WWC1: variants seen among roughly 807,000 people sequenced by gnomAD.
WWC1 encodes the protein WW and C2 domain containing 1, also known as protein KIBRA.
Under a neutral mutation model 138.4 loss-of-function variants are expected in WWC1, and 55 were observed. That is an observed-to-expected ratio of 0.40 (90% CI 0.32 to 0.50). WWC1 has a LOEUF of 0.50. WWC1 is among the 20% of genes least tolerant of loss of function. WWC1 has a pLI of 0.72. For synonymous variants in WWC1, 524 were observed against 564.9 expected, an observed-to-expected ratio of 0.93 and a Z score of 1.03; for missense variants, 1,226 against 1,420.4, an observed-to-expected ratio of 0.86 and a Z score of 2.20.
At chr5:168,378,240 T>A (rs1777370981) in intron 2 of WWC1, among the ~76,000 whole-genome samples, 1 of 152,138 alleles carries the variant, frequency 6.6e-6, no homozygotes, top group Non-Finnish European at 1.5e-5. Flanking sequence ...CAATGGGTAC[T>A]TATCGACATA....
rs112284118 is a variant in WWC1, at chr5:168,468,497, T to TA, written c.3276-441dup. Among the ~76,000 whole-genome samples the TA allele has an allele frequency of 7.7e-3, 1,125 of 145,238 alleles. 13 individuals are homozygous for TA. The highest frequency in any genetic ancestry group is 0.027 in the African/African-American group (1,058 of 39,084). On this transcript the variant is annotated intron_variant, in intron 22 of 22. Transcript: ENST00000265293. ...GGTACACATGTTTGTGTATGTGCTT[T>TA]AAAAAAAAAAAAATTCCTTTGTGGA...
chr5:168,305,818 C>G (rs1311736344), intron 1 of WWC1, among the ~76,000 whole-genome samples: 1 of 152,144 alleles, frequency 6.6e-6, no homozygotes, highest in Admixed American at 6.6e-5. Context: ...CCCAAAGATT[C>G]TGGTTTACTT....
intron 15 of WWC1, among the ~76,000 whole-genome samples, chr5:168,434,370 A>AG (rs11463090): frequency 0.52 from 79,419 of 151,804 alleles, 21,866 homozygotes; most frequent in East Asian, 0.84. Context: ...GGGAGGAAAA[A>AG]GGCCTGTCCT....
intron 3 of WWC1, among the ~76,000 whole-genome samples, chr5:168,396,977 C>A (rs1172080101): frequency 1.3e-5 from 2 of 151,314 alleles, no homozygotes; most frequent in Non-Finnish European, 1.5e-5. Context: ...GATTGTAAAG[C>A]ATATGTTTAT....
At position 168,454,066 on chromosome 5, in the gene WWC1, C is replaced by G. The variant is rs376095353; in HGVS notation, c.2624C>G (p.Ala875Gly). Residue 875 changes from alanine to glycine, a missense_variant, in exon 18 of 23, where the codon GCC becomes GGC. Coordinates refer to ENST00000265293, the MANE Select transcript of WWC1 (RefSeq NM_015238.3). ...EGEEDVFTEK[A>G]SPDMDGYPAL... ...GAAGAGGATGTTTTCACCGAGAAAG[C>G]CTCACCTGATATGGATGGGTACCCA... 1 of 1,613,248 alleles carries G rather than the reference C, an allele frequency of 6.2e-7. No individual in the cohort carries two copies. The highest frequency in any genetic ancestry group is 1.3e-5 in the African/African-American group (1 of 74,844).
At chr5:168,449,070 G>C (rs913705962) in intron 17 of WWC1, among the ~76,000 whole-genome samples, 1 of 152,176 alleles carries the variant, frequency 6.6e-6, no homozygotes, top group African/African-American at 2.4e-5. Flanking sequence ...ATGGCCTTCA[G>C]AATGTAAATT....
At chr5:168,306,685 C>A (rs902197862) in intron 1 of WWC1, among the ~76,000 whole-genome samples, 3 of 152,176 alleles carry the variant, frequency 2.0e-5, no homozygotes, top group Non-Finnish European at 4.4e-5. Flanking sequence ...CAACCTCTGC[C>A]TCCTGGGTTC....
At chr5:168,413,258 C>G (rs1412141984) in intron 8 of WWC1, among the ~76,000 whole-genome samples, 1 of 152,154 alleles carries the variant, frequency 6.6e-6, no homozygotes, top group East Asian at 1.9e-4. Flanking sequence ...GATGGGGTGG[C>G]CAGGGCGTGA....
Position 168,408,545 on chromosome 5 carries a change from G to C in WWC1, c.759G>C (p.Arg253Ser), listed in dbSNP as rs370045257. ...AMLKDGFRTDRGSHSDLWSSS... is the reference protein window; with the variant it reads ...AMLKDGFRTDSGSHSDLWSSS... Reference sequence around the variant, plus strand: ...TGAAGGACGGCTTCCGCACTGACAGGGGGTCTCACTCAGACCTGTGGTCCA... The same window carrying C: ...TGAAGGACGGCTTCCGCACTGACAGCGGGTCTCACTCAGACCTGTGGTCCA... The change falls in exon 7 of 23, where the codon AGG becomes AGC. Residue 253 changes from arginine (R) to serine (S), a missense_variant. Around this residue, in one of 3 missense-constraint regions of WWC1, gnomAD observed 1,016 missense variants for 1,153.9 expected, o/e 0.88. Transcript: ENST00000265293. 37 of 1,614,018 alleles carry C rather than the reference G, an allele frequency of 2.3e-5. No homozygotes were observed. The highest frequency in any genetic ancestry group is 4.5e-5 in the East Asian group (2 of 44,888).
At chr5:168,418,311 G>A (rs1466666649) in intron 9 of WWC1, among the ~76,000 whole-genome samples, 1 of 152,154 alleles carries the variant, frequency 6.6e-6, no homozygotes, top group East Asian at 1.9e-4. Flanking sequence ...CCCAGAGCTG[G>A]TGTGCAGTCA....
chr5:168,358,682 G>A (rs1199419914), intron 1 of WWC1, among the ~76,000 whole-genome samples: 1 of 152,160 alleles, frequency 6.6e-6, no homozygotes, highest in East Asian at 1.9e-4. Flanking sequence ...CTAATATGTT[G>A]CATTGAATTG....
chr5:168,409,642 C>T (rs115763439), intron 7 of WWC1, among the ~76,000 whole-genome samples: 1,728 of 152,302 alleles, frequency 0.011, 19 homozygotes, highest in Non-Finnish European at 0.016. Context: ...GAATGGGCAC[C>T]AAGCCAAGCC....
intron 11 of WWC1, among the ~76,000 whole-genome samples, chr5:168,425,223 G>A (rs909785225): frequency 2.0e-5 from 3 of 151,696 alleles, no homozygotes; most frequent in Non-Finnish European, 4.4e-5. Flanking sequence ...CTTAGGCTGG[G>A]AGGCAGTTCA....
chr5:168,368,854 G>A (rs972272745), intron 1 of WWC1, among the ~76,000 whole-genome samples: 5 of 152,160 alleles, frequency 3.3e-5, no homozygotes, highest in African/African-American at 1.2e-4. Flanking sequence ...GGGTGGTGGC[G>A]GGTGGCCTGG....
intron 11 of WWC1, among the ~76,000 whole-genome samples, chr5:168,425,460 A>G (rs1428139667): frequency 6.6e-6 from 1 of 151,310 alleles, no homozygotes; most frequent in Admixed American, 6.6e-5. Flanking sequence ...AAGCCTTACA[A>G]CACCTCTGGG....
chr5:168,467,384 A>C (rs962938927), intron 21 of WWC1, among the ~76,000 whole-genome samples: 1 of 152,188 alleles, frequency 6.6e-6, no homozygotes, highest in African/African-American at 2.4e-5. Context: ...GTGTTTACAT[A>C]CGTTTACATT....
At chr5:168,305,796 G>A (rs1456767138) in intron 1 of WWC1, among the ~76,000 whole-genome samples, 1 of 152,116 alleles carries the variant, frequency 6.6e-6, no homozygotes, top group Non-Finnish European at 1.5e-5. Flanking sequence ...AAATACCCAT[G>A]CCTGGCCCAC....
At chr5:168,347,416 T>C (rs1298713728) in intron 1 of WWC1, among the ~76,000 whole-genome samples, 1 of 152,202 alleles carries the variant, frequency 6.6e-6, no homozygotes, top group Non-Finnish European at 1.5e-5. Context: ...GAGAGGGAAT[T>C]TGAAATTCTG....
At chr5:168,367,606 ACT>A (rs1776413260) in intron 1 of WWC1, among the ~76,000 whole-genome samples, 2 of 152,188 alleles carry the variant, frequency 1.3e-5, no homozygotes, top group African/African-American at 4.8e-5. Context: ...GGCATGAGCC[ACT>A]GCGCCTGGCC....
Sources: gnomAD v4.1 joint callset for allele counts (sites outside exome capture counted in the v4.1 genomes callset) on GRCh38, gnomAD v4.1.1 for gene constraint, gnomAD v4.1.1 regional missense constraint, MANE v1.5 for transcripts, NCBI Gene and HGNC (gene_info 2026-07-23, HGNC 2026-07-21) for gene names.